Variants in GPC5 observed in about 807,000 individuals in gnomAD.
GPC5 encodes glypican 5.
In GPC5, 47 loss-of-function variants were observed where a neutral mutation model predicts 53.9. The ratio of observed to expected loss-of-function variants is 0.87; its 90% CI spans 0.69 to 1.11. The LOEUF (loss-of-function observed/expected upper bound fraction) is 1.11, where lower values mean the gene tolerates loss of function less well. GPC5 is among the 50% of genes most tolerant of loss of function. GPC5 has a pLI of 0.00. For synonymous variants in GPC5, 286 were observed against 263.3 expected, an observed-to-expected ratio of 1.09 and a Z score of -0.84; for missense variants, 748 against 713.1, an observed-to-expected ratio of 1.05 and a Z score of -0.56.
At chr13:92,734,050 T>C (rs1374886670) in intron 7 of GPC5, among the ~76,000 whole-genome samples, 2 of 151,828 alleles carry the variant, frequency 1.3e-5, no homozygotes, top group Non-Finnish European at 2.9e-5. Flanking sequence ...TTTCTCTCTT[T>C]ATATCTCTAA....
intron 5 of GPC5, among the ~76,000 whole-genome samples, chr13:91,775,038 C>T (rs116816224): frequency 0.014 from 2,135 of 152,150 alleles, 45 homozygotes; most frequent in African/African-American, 0.049. Context: ...GTATCCCATA[C>T]AGAGAAAACA....
rs191986797 is a variant in GPC5 at position 91,469,797 on chromosome 13, T to C, written c.325+20875T>C. Among the ~76,000 whole-genome samples, 558 of 152,260 alleles carry C rather than the reference T, an allele frequency of 3.7e-3. 4 individuals are homozygous for C. Among genetic ancestry groups the C allele is most frequent in the South Asian group, 0.021 (100 of 4,822 alleles). ...GCTCATGCCTGTAATCCCAGCACTT[T>C]GGGAGGCCGAGGTGGGTGGATCACG... On this transcript the variant is annotated intron_variant, in intron 2 of 7. Transcript: ENST00000377067.
chr13:92,130,906 T>A (rs1339095633), intron 6 of GPC5, among the ~76,000 whole-genome samples: 2 of 151,434 alleles, frequency 1.3e-5, no homozygotes, highest in Non-Finnish European at 3.0e-5. Flanking sequence ...AAATAAATAA[T>A]TATTCTAAAA....
intron 6 of GPC5, among the ~76,000 whole-genome samples, chr13:92,005,193 G>A (rs1213532968): frequency 1.3e-5 from 2 of 152,260 alleles, no homozygotes; most frequent in Non-Finnish European, 2.9e-5. Flanking sequence ...AACTAAAGTC[G>A]GTTAAGATTT....
At chr13:92,154,767 A>C (rs1418083438) in intron 7 of GPC5, among the ~76,000 whole-genome samples, 1 of 152,184 alleles carries the variant, frequency 6.6e-6, no homozygotes, top group Non-Finnish European at 1.5e-5. Context: ...CCATTTTTAC[A>C]TGAGACTTTA....
chr13:91,974,191 C>G (rs1376165604), intron 6 of GPC5, among the ~76,000 whole-genome samples: 1 of 152,164 alleles, frequency 6.6e-6, no homozygotes, highest in Non-Finnish European at 1.5e-5. Context: ...TGGAAGCATT[C>G]CCTTTGAAAA....
In GPC5 at chr13:92,433,594, A is replaced by G. The variant is rs553785778; in HGVS notation, c.1561+288605A>G. 2.0e-5 allele frequency among the ~76,000 whole-genome samples: 3 copies of G among 152,310 alleles called. No homozygotes were observed. In the South Asian group the frequency reaches 6.2e-4, roughly 32 times the overall value. ...ATGCCGAGGATGTCAAGCAGCTCAG[A>G]TATCAAGGTGATAGATGAATTACTT... On this transcript the variant is annotated intron_variant, in intron 7 of 7. Transcript: ENST00000377067.
chr13:91,660,356 C>T (rs1356837021), intron 2 of GPC5, among the ~76,000 whole-genome samples: 1 of 152,096 alleles, frequency 6.6e-6, no homozygotes, highest in Non-Finnish European at 1.5e-5. Flanking sequence ...TCTTATGAGG[C>T]ACCCTGTGGA....
At chr13:91,652,335 T>G (rs146264898) in intron 2 of GPC5, among the ~76,000 whole-genome samples, 25 of 152,360 alleles carry the variant, frequency 1.6e-4, no homozygotes, top group Non-Finnish European at 3.5e-4. Context: ...ACTGTAGATC[T>G]TAGCAACCTC....
intron 6 of GPC5, among the ~76,000 whole-genome samples, chr13:91,937,103 C>A (rs570729080): frequency 2.6e-5 from 4 of 152,018 alleles, no homozygotes; most frequent in Non-Finnish European, 5.9e-5. Context: ...TACATCTTAT[C>A]TTCCCTAATT....
chr13:91,933,844 T>C (rs976620401), intron 6 of GPC5, among the ~76,000 whole-genome samples: 2 of 152,026 alleles, frequency 1.3e-5, no homozygotes, highest in Non-Finnish European at 2.9e-5. Flanking sequence ...ATAATTTGCA[T>C]GTCTTGCTGA....
chr13:92,523,203 A>G (rs184950495), intron 7 of GPC5, among the ~76,000 whole-genome samples: 19 of 152,250 alleles, frequency 1.2e-4, no homozygotes, highest in Admixed American at 1.3e-4. Context: ...GATATTCACT[A>G]TTGACCTTCT....
In GPC5 at chr13:91,654,396, A is replaced by C. The variant is rs575981983; in HGVS notation, c.326-38791A>C. ...GCTTAAATAATGGATTCGGTAAGTA[A>C]ATAGTTAGATACTTGCATAGTGGAA... On this transcript the variant is annotated intron_variant, in intron 2 of 7. Transcript: ENST00000377067. Among the ~76,000 whole-genome samples, 4 of 152,286 alleles carry C rather than the reference A, an allele frequency of 2.6e-5. No individual in the cohort carries two copies. The South Asian group carries it at 8.3e-4, about 32-fold the overall frequency.
intron 2 of GPC5, among the ~76,000 whole-genome samples, chr13:91,629,350 A>AT (rs200043729): frequency 9.9e-5 from 15 of 151,858 alleles, no homozygotes; most frequent in African/African-American, 3.4e-4. Context: ...ATTTAAATTT[A>AT]TTTTTTTTCA....
chr13:92,711,018 GA>G (rs1214033744), intron 7 of GPC5, among the ~76,000 whole-genome samples: 3 of 152,088 alleles, frequency 2.0e-5, no homozygotes, highest in Non-Finnish European at 4.4e-5. Context: ...GTAATGTACT[GA>G]AAAAATATAA....
chr13:92,598,104 A>G (rs1299508070), intron 7 of GPC5, among the ~76,000 whole-genome samples: 1 of 152,168 alleles, frequency 6.6e-6, no homozygotes, highest in Non-Finnish European at 1.5e-5. Flanking sequence ...ATGAGTTGTC[A>G]TTTCTTCTGA....
At chr13:92,426,366 C>G (rs1171833161) in intron 7 of GPC5, among the ~76,000 whole-genome samples, 2 of 152,014 alleles carry the variant, frequency 1.3e-5, no homozygotes, top group Non-Finnish European at 2.9e-5. Context: ...AAAGATTGGC[C>G]ACCTCTTCTA....
At chr13:92,050,179 T>A (rs1271653287) in intron 6 of GPC5, among the ~76,000 whole-genome samples, 4 of 152,230 alleles carry the variant, frequency 2.6e-5, no homozygotes, top group Admixed American at 2.6e-4. Context: ...ACATGGTACA[T>A]CATTCCAATG....
At chr13:92,065,653 C>T (rs1341773862) in intron 6 of GPC5, among the ~76,000 whole-genome samples, 1 of 152,032 alleles carries the variant, frequency 6.6e-6, no homozygotes, top group Non-Finnish European at 1.5e-5. Flanking sequence ...TCTGACAATG[C>T]CCTTTATTAA....
Sources: gnomAD v4.1 joint callset for allele counts (sites outside exome capture counted in the v4.1 genomes callset) on GRCh38, gnomAD v4.1.1 for gene constraint, MANE v1.5 for transcripts, NCBI Gene and HGNC (gene_info 2026-07-23, HGNC 2026-07-21) for gene names.